The following MED24 variants were observed in gnomAD, a reference collection of about 807,000 sequenced individuals.
The protein encoded by MED24 is mediator of RNA polymerase II transcription subunit 24.
MED24 carries 74 observed loss-of-function variants against 118.8 expected under a neutral mutation model. The observed-to-expected ratio is 0.62, with a 90% confidence interval of 0.52 to 0.76. MED24 has a LOEUF of 0.76. Among genes scored for constraint, MED24 ranks in the 30% least tolerant of loss-of-function variants. MED24 has a pLI of 0.00. For synonymous variants in MED24, 521 were observed against 523.9 expected, an observed-to-expected ratio of 0.99 and a Z score of 0.08; for missense variants, 1,041 against 1,278.9, an observed-to-expected ratio of 0.81 and a Z score of 2.84.
At chr17:40,022,539 T>G in intron 21 of MED24, 55 bp from the exon 22 acceptor site, 2 of 1,594,384 alleles carry the variant, frequency 1.3e-6, no homozygotes, top group South Asian at 2.2e-5. Context: ...AGGAGCTTTC[T>G]GTGTCTGACT....
intron 3 of MED24, among the ~76,000 whole-genome samples, chr17:40,041,988 T>C (rs1255488182): frequency 6.6e-6 from 1 of 152,184 alleles, no homozygotes; most frequent in African/African-American, 2.4e-5. Flanking sequence ...ATTTTTGAGC[T>C]GTAATGACAG....
chr17:40,019,400 G>T lies in MED24; in HGVS notation c.*129C>A. ...AGGAGTCAGGAGCGGGGAACTGGAAGCCGCTAGAGGCTCTTGCACCATGTG... is the reference window on the plus strand; with the variant it reads ...AGGAGTCAGGAGCGGGGAACTGGAATCCGCTAGAGGCTCTTGCACCATGTG... On this transcript the variant is annotated 3_prime_UTR_variant, in exon 26 of 26. Transcript: ENST00000394128. 1 of 737,616 alleles carries T rather than the reference G, an allele frequency of 1.4e-6. No homozygotes were observed. The highest frequency in any genetic ancestry group is 2.3e-6 in the Non-Finnish European group (1 of 444,326). The allele number at this position is 737,616 out of a possible 1,614,324, so 45.7% of individuals were successfully genotyped here. A position where few individuals can be genotyped will look rare whatever the true frequency, so the allele number is the denominator to read the frequency against.
chr17:40,020,362 C>T lies in MED24; in HGVS notation c.2624-9G>A, dbSNP rs772496866. On this transcript the variant is annotated splice_polypyrimidine_tract_variant and intron_variant, in intron 23 of 25. Coordinates refer to ENST00000394128, the MANE Select transcript of MED24 (RefSeq NM_014815.4). ...GCTCATGGATCGGTCTGCTGTGGGA[C>T]GGAGCAGATGGAGCGCTGGGAAACA... The T allele has an allele frequency of 7.3e-5, 116 of 1,591,260 alleles. 1 individual carries two copies. In the South Asian group the frequency reaches 7.6e-4, roughly 10 times the overall value.
At chr17:40,024,237 A>G (rs1433344679) in intron 19 of MED24, among the ~76,000 whole-genome samples, 2 of 152,204 alleles carry the variant, frequency 1.3e-5, no homozygotes, top group African/African-American at 2.4e-5. Flanking sequence ...CCTTCTCCCT[A>G]TTAAGACATC....
At chr17:40,052,997 G>C (rs748636550) in intron 3 of MED24, among the ~76,000 whole-genome samples, 1 of 152,078 alleles carries the variant, frequency 6.6e-6, no homozygotes. Context: ...GCAGTGGCAG[G>C]ATCATGGCTC....
Position 40,026,138 on chromosome 17 carries a change from G to A in MED24, c.1985+18C>T, listed in dbSNP as rs758184575. Reference sequence around the variant, plus strand: ...CAACACACTTGAAGGGTCTGAGAAGGGAAGGCAGGTTACCGACCTCTCATT... The same window carrying A: ...CAACACACTTGAAGGGTCTGAGAAGAGAAGGCAGGTTACCGACCTCTCATT... On this transcript the variant is annotated intron_variant, in intron 19 of 25. Coordinates refer to ENST00000394128, the MANE Select transcript of MED24 (RefSeq NM_014815.4). The A allele has an allele frequency of 1.2e-6, 2 of 1,606,180 alleles. No homozygotes were observed. Among genetic ancestry groups the A allele is most frequent in the Non-Finnish European group, 1.7e-6 (2 of 1,174,260 alleles).
chr17:40,032,219 G>A, intron 9 of MED24, 129 bp from the exon 10 acceptor site: 2 of 1,095,838 alleles, frequency 1.8e-6, no homozygotes, highest in East Asian at 2.4e-5. Context: ...GGGAGTGAGA[G>A]CACACTTAGT....
rs901984059 is a variant in MED24, at chr17:40,038,495, G to A, written c.214-2341C>T. On this transcript the variant is annotated intron_variant, in intron 3 of 25. Coordinates refer to ENST00000394128, the MANE Select transcript of MED24 (RefSeq NM_014815.4). ...TGGGAGGCCAAGGAGGGTGGATCAC[G>A]GGGTCAAGAGATCAAGACCATCCTG... Among the ~76,000 whole-genome samples, 4 of 152,082 alleles carry A rather than the reference G, an allele frequency of 2.6e-5. No homozygotes were observed. In the East Asian group the frequency reaches 5.8e-4, roughly 22 times the overall value.
At chr17:40,045,413 G>A (rs986353928) in intron 3 of MED24, among the ~76,000 whole-genome samples, 10 of 151,084 alleles carry the variant, frequency 6.6e-5, no homozygotes, top group Non-Finnish European at 1.2e-4. Context: ...AGCCAAGATC[G>A]TGCCACTGCT....
In MED24 at chr17:40,035,351, T is replaced by TA; in HGVS notation, c.327-3dup. 1 of 1,574,676 alleles carries TA rather than the reference T, an allele frequency of 6.4e-7. No homozygotes were observed. The highest frequency in any genetic ancestry group is 1.8e-5 in the Admixed American group (1 of 54,844). Reference sequence around the variant, plus strand: ...CATTCCTCTGCTTTGCCGTGACAGCTACAGGGAAGGATGCAAAATCAGACT... The same window carrying TA: ...CATTCCTCTGCTTTGCCGTGACAGCTAACAGGGAAGGATGCAAAATCAGACT... On this transcript the variant is annotated splice_region_variant and splice_polypyrimidine_tract_variant and intron_variant, in intron 5 of 25. Coordinates refer to ENST00000394128, the MANE Select transcript of MED24 (RefSeq NM_014815.4).
chr17:40,035,117 AG>A lies in MED24; in HGVS notation c.558del (p.Ser187LeufsTer11). On this transcript the variant is annotated frameshift_variant and splice_region_variant, in exon 6 of 26. Coordinates refer to ENST00000394128, the MANE Select transcript of MED24 (RefSeq NM_014815.4). LOFTEE classifies it high-confidence loss of function. ...GGCTCAGGGGAATCAAGGGACATAC[AG>A]GCCTCCTCTAGTTTGGCGATGTGCA... ...ALLHIAKLEE[A>X]SSWTAIEHSL... is the part of the protein sequence containing the mutation. 6.2e-7 allele frequency: 1 copy of A among 1,614,038 alleles called. No individual in the cohort carries two copies. The highest frequency in any genetic ancestry group is 8.5e-7 in the Non-Finnish European group (1 of 1,179,940).
At chr17:40,021,654 T>C (rs1982021110) in intron 23 of MED24, among the ~76,000 whole-genome samples, 1 of 151,132 alleles carries the variant, frequency 6.6e-6, no homozygotes, top group Non-Finnish European at 1.5e-5. Flanking sequence ...CTCACTCACT[T>C]GGGTAGCTTG....
In MED24 at chr17:40,023,312, G is replaced by A. The variant is rs2144865010; in HGVS notation, c.2069C>T (p.Thr690Ile). Residue 690 changes from threonine to isoleucine, a missense_variant, in exon 20 of 26, where the codon ACC becomes ATC. This residue lies in a region of MED24 where 587 missense variants were observed against 694.4 expected (regional missense o/e 0.85). Coordinates refer to ENST00000394128, the MANE Select transcript of MED24 (RefSeq NM_014815.4). ...QTATQIKFPS[T>I]GVDTMPYWNL... ...CCAGTAGGGCATTGTGTCCACCCCGGTGGAGGGAAACTTGATCTGCGTGGC... is the reference window on the plus strand; with the variant it reads ...CCAGTAGGGCATTGTGTCCACCCCGATGGAGGGAAACTTGATCTGCGTGGC... 2 of 1,614,058 alleles carry A rather than the reference G, an allele frequency of 1.2e-6. No individual in the cohort carries two copies.
In MED24 at chr17:40,033,018, C is replaced by T. The variant is rs759306482; in HGVS notation, c.822+38G>A. The T allele has an allele frequency of 3.7e-6, 6 of 1,610,724 alleles. No homozygotes were observed. In the Admixed American group the frequency reaches 6.7e-5, roughly 18 times the overall value. On this transcript the variant is annotated intron_variant, in intron 8 of 25. Coordinates refer to ENST00000394128, the MANE Select transcript of MED24 (RefSeq NM_014815.4). The surrounding 1 kb of genome is among the most constrained non-coding windows in gnomAD (Gnocchi z 5.2). ...TCCCTCCTGCCCCCAACAGGCTGGC[C>T]TGCCTTGGAGAAGGGAGAGCCACTC...
intron 3 of MED24, among the ~76,000 whole-genome samples, chr17:40,043,508 G>A (rs1304359255): frequency 6.6e-6 from 1 of 152,078 alleles, no homozygotes; most frequent in Non-Finnish European, 1.5e-5. Flanking sequence ...TTCTTAGTAT[G>A]CAGAAATTTT....
rs373518981 is a variant in MED24 at position 40,032,102 on chromosome 17, G to T, written c.937-12C>A. ...AAAACCTGTGGAATCTAGGGGGTGA[G>T]GCAGGGGGAAAAACAGGAAGATCCA... On this transcript the variant is annotated splice_polypyrimidine_tract_variant and intron_variant, in intron 9 of 25. Transcript: ENST00000394128. 6.2e-7 allele frequency: 1 copy of T among 1,613,076 alleles called. No individual in the cohort carries two copies. Among genetic ancestry groups the T allele is most frequent in the Non-Finnish European group, 8.5e-7 (1 of 1,179,600 alleles).
Position 40,035,718 on chromosome 17 carries a change from T to C in MED24, c.326+4A>G, listed in dbSNP as rs1193082224. 6.2e-7 allele frequency: 1 copy of C among 1,613,592 alleles called. No individual in the cohort carries two copies. Among genetic ancestry groups the C allele is most frequent in the South Asian group, 1.1e-5 (1 of 91,062 alleles). The stretch of plus-strand genomic sequence containing the variant: ...ATTGTGAGCCCCCTTACCCCTGCCC[T>C]TACCTCAGACGGTCACAAAACATGT... On this transcript the variant is annotated splice_donor_region_variant and intron_variant, in intron 5 of 25. Coordinates refer to ENST00000394128, the MANE Select transcript of MED24 (RefSeq NM_014815.4).
intron 3 of MED24, among the ~76,000 whole-genome samples, chr17:40,038,809 ACTG>A (rs752828825): frequency 3.4e-4 from 52 of 151,980 alleles, no homozygotes; most frequent in Non-Finnish European, 5.4e-4. Flanking sequence ...ACCAAAATAC[ACTG>A]CTCTGTTCAG....
chr17:40,052,121 T>C (rs1158212261), intron 3 of MED24, among the ~76,000 whole-genome samples: 2 of 151,762 alleles, frequency 1.3e-5, no homozygotes, highest in Admixed American at 6.6e-5. Context: ...AGTGAAACCC[T>C]GTCTCTACTA....
Sources: allele counts gnomAD v4.1 joint callset (sites outside exome capture counted in the v4.1 genomes callset), GRCh38; gene constraint gnomAD v4.1.1; regional missense constraint gnomAD v4.1.1; non-coding constraint Gnocchi (gnomAD v3.1); transcripts MANE v1.5; gene names NCBI Gene and HGNC (gene_info 2026-07-23, HGNC 2026-07-21).